DGKG: variants seen among roughly 807,000 people sequenced by gnomAD.
DGKG encodes the protein diacylglycerol kinase gamma.
Under a neutral mutation model 105.3 loss-of-function variants are expected in DGKG, and 78 were observed. The observed-to-expected ratio is 0.74, with a 90% CI of 0.62 to 0.89. The LOEUF (loss-of-function observed/expected upper bound fraction) is 0.89, where lower values mean the gene tolerates loss of function less well. DGKG is among the 40% of genes least tolerant of loss of function. DGKG has a pLI of 0.00. For synonymous variants in DGKG, 346 were observed against 367.1 expected, an observed-to-expected ratio of 0.94 and a Z score of 0.66; for missense variants, 958 against 1,020.1, an observed-to-expected ratio of 0.94 and a Z score of 0.83.
At chr3:186,342,175 A>T (rs952623477) in intron 1 of DGKG, among the ~76,000 whole-genome samples, 10 of 152,216 alleles carry the variant, frequency 6.6e-5, no homozygotes, top group Admixed American at 6.5e-4. Context: ...ATAAAAAAAA[A>T]TACTAGAAAC....
intron 1 of DGKG, among the ~76,000 whole-genome samples, chr3:186,329,428 C>G (rs1202815179): frequency 6.6e-6 from 1 of 152,104 alleles, no homozygotes; most frequent in Admixed American, 6.5e-5. Context: ...TGAATTGCAC[C>G]CTGGGTCTCT....
At chr3:186,266,891 C>T (rs1164590442) in intron 13 of DGKG, among the ~76,000 whole-genome samples, 6 of 152,200 alleles carry the variant, frequency 3.9e-5, no homozygotes, top group Non-Finnish European at 8.8e-5. Flanking sequence ...GCCACCGTGG[C>T]TGGCCTTTTT....
rs540533104 is a variant in DGKG at position 186,150,215 on chromosome 3, T to C, written c.2278-27A>G. Reference sequence around the variant, plus strand: ...TAAAAGCAAAGAGGCAGAAATGAATTAGTGGCATGCAAATCTCAGTAGCCT... The same window carrying C: ...TAAAAGCAAAGAGGCAGAAATGAATCAGTGGCATGCAAATCTCAGTAGCCT... On this transcript the variant is annotated intron_variant, in intron 24 of 24. Transcript: ENST00000265022. The C allele has an allele frequency of 3.1e-6, 5 of 1,596,342 alleles. No homozygotes were observed. In the East Asian group the frequency reaches 1.1e-4, roughly 36 times the overall value.
chr3:186,344,729 C>T (rs1422547023), intron 1 of DGKG, among the ~76,000 whole-genome samples: 1 of 152,108 alleles, frequency 6.6e-6, no homozygotes, highest in East Asian at 1.9e-4. Flanking sequence ...GCACATATAT[C>T]CCTGAACCTA....
chr3:186,235,227 T>G (rs1431921102), intron 20 of DGKG, among the ~76,000 whole-genome samples: 4 of 152,244 alleles, frequency 2.6e-5, no homozygotes, highest in Non-Finnish European at 5.9e-5. Context: ...AGGTTTGTAT[T>G]TCTTTATAAA....
Position 186,203,028 on chromosome 3 carries a change from T to C in DGKG, c.1917+8767A>G, listed in dbSNP as rs570888242. 5.9e-5 allele frequency among the ~76,000 whole-genome samples: 9 copies of C among 152,288 alleles called. No homozygotes were observed. The highest frequency in any genetic ancestry group is 1.3e-4 in the Admixed American group (2 of 15,284). ...GAATGAATAGAGGCTTGAAGTGAAC[T>C]ACAGGGTGCACATTAGTAAGAAATA... On this transcript the variant is annotated intron_variant, in intron 21 of 24. Transcript: ENST00000265022. The surrounding 1 kb of genome is among the most constrained non-coding windows in gnomAD (Gnocchi z 4.9).
intron 22 of DGKG, among the ~76,000 whole-genome samples, chr3:186,176,113 A>G (rs1033403486): frequency 1.3e-5 from 2 of 152,196 alleles, no homozygotes; most frequent in African/African-American, 2.4e-5. Context: ...GCCTCTTCTC[A>G]TCTCCTCTCA....
intron 24 of DGKG, chr3:186,161,189 T>C: frequency 1.0e-6 from 1 of 997,614 alleles, no homozygotes; most frequent in Non-Finnish European, 1.2e-6. Context: ...GTAAGGTAAG[T>C]GTGTAGATTT....
At chr3:186,288,670 T>G in intron 6 of DGKG, 40 bp downstream of exon 6, 1 of 1,606,856 alleles carries the variant, frequency 6.2e-7, no homozygotes, top group South Asian at 1.1e-5. Flanking sequence ...GATCCTTCTC[T>G]AGGAAAAAGC....
intron 21 of DGKG, among the ~76,000 whole-genome samples, chr3:186,194,803 TAAA>T (rs57878064): frequency 0.057 from 5,969 of 105,428 alleles, 563 homozygotes; most frequent in African/African-American, 0.2. Flanking sequence ...GGTCTTTCTT[TAAA>T]AAAAAAAAAA....
At chr3:186,221,043 G>A (rs929379781) in intron 20 of DGKG, among the ~76,000 whole-genome samples, 5 of 152,202 alleles carry the variant, frequency 3.3e-5, no homozygotes, top group Admixed American at 6.5e-5. Flanking sequence ...ACACACACAG[G>A]CCGCAACAAG....
chr3:186,252,665 G>A lies in DGKG; in HGVS notation c.1600+428C>T, dbSNP rs111283237. 5.0e-4 allele frequency among the ~76,000 whole-genome samples: 76 copies of A among 152,274 alleles called. 2 individuals carry two copies. Among genetic ancestry groups the A allele is most frequent in the African/African-American group, 1.5e-3 (61 of 41,562 alleles). On this transcript the variant is annotated intron_variant, in intron 18 of 24. Coordinates refer to ENST00000265022, the MANE Select transcript of DGKG (RefSeq NM_001346.3). Reference sequence around the variant, plus strand: ...AAGTAACTGGAGATGTAGCATTTTGGTCCTCAGTTTTAGTCCTAATTCAGA... The same window carrying A: ...AAGTAACTGGAGATGTAGCATTTTGATCCTCAGTTTTAGTCCTAATTCAGA...
In DGKG at chr3:186,194,803, T is replaced by TAAAAAAAAAAAAAAAAAAAAA. The variant is rs57878064; in HGVS notation, c.1918-6425_1918-6424insTTTTTTTTTTTTTTTTTTTTT. Among the ~76,000 whole-genome samples the TAAAAAAAAAAAAAAAAAAAAA allele has an allele frequency of 1.8e-3, 187 of 105,366 alleles. 8 individuals are homozygous for TAAAAAAAAAAAAAAAAAAAAA. Among genetic ancestry groups the TAAAAAAAAAAAAAAAAAAAAA allele is most frequent in the African/African-American group, 6.5e-3 (181 of 27,896 alleles). The allele number at this position is 105,366 out of a possible 152,430, so 69.1% of individuals were successfully genotyped here. A position where few individuals can be genotyped will look rare whatever the true frequency, so the allele number is the denominator to read the frequency against. ...CCACGACTCTTTCTTGGTCTTTCTTTAAAAAAAAAAAAAAAAAAAGCCGGG... is the reference window on the plus strand; with the variant it reads ...CCACGACTCTTTCTTGGTCTTTCTTTAAAAAAAAAAAAAAAAAAAAAAAAAAAAAAAAAAAAAAAAGCCGGG... On this transcript the variant is annotated intron_variant, in intron 21 of 24. Transcript: ENST00000265022.
At chr3:186,354,126 C>T (rs1296485462) in intron 1 of DGKG, among the ~76,000 whole-genome samples, 2 of 152,024 alleles carry the variant, frequency 1.3e-5, no homozygotes, top group Non-Finnish European at 2.9e-5. Context: ...ATGAGAGTAA[C>T]CATTTTGTGT....
chr3:186,237,670 A>G (rs1043969000), intron 20 of DGKG, among the ~76,000 whole-genome samples: 8 of 152,208 alleles, frequency 5.3e-5, no homozygotes, highest in African/African-American at 1.9e-4. Context: ...AGTGTCTGGT[A>G]TACATCAGTG....
chr3:186,307,604 C>T (rs1450873872), intron 2 of DGKG, among the ~76,000 whole-genome samples: 1 of 152,202 alleles, frequency 6.6e-6, no homozygotes, highest in African/African-American at 2.4e-5. Flanking sequence ...GCCTATCTTG[C>T]TCATCTCCTG....
intron 10 of DGKG, among the ~76,000 whole-genome samples, chr3:186,274,764 C>T (rs1722499500): frequency 6.6e-6 from 1 of 152,146 alleles, no homozygotes; most frequent in South Asian, 2.1e-4. Context: ...ATATGTGCCA[C>T]ATTTTCTTAA....
At chr3:186,359,816 A>AT (rs546325898) in intron 1 of DGKG, among the ~76,000 whole-genome samples, 137 of 152,316 alleles carry the variant, frequency 9.0e-4, no homozygotes, top group Admixed American at 6.4e-3. Flanking sequence ...TGGGTGATTG[A>AT]TTTGTTCTTT....
At chr3:186,276,498 C>G (rs780941926) in intron 9 of DGKG, among the ~76,000 whole-genome samples, 3 of 152,166 alleles carry the variant, frequency 2.0e-5, no homozygotes, top group African/African-American at 7.2e-5. Flanking sequence ...GTGTGATAAT[C>G]AAGATGAAAG....
Sources: gnomAD v4.1 joint callset for allele counts (sites outside exome capture counted in the v4.1 genomes callset) on GRCh38, gnomAD v4.1.1 for gene constraint, Gnocchi (gnomAD v3.1) non-coding constraint, MANE v1.5 for transcripts, NCBI Gene and HGNC (gene_info 2026-07-23, HGNC 2026-07-21) for gene names.